BNC2: variants seen among roughly 807,000 people sequenced by gnomAD.
BNC2 encodes zinc finger protein basonuclin-2.
BNC2 carries 20 observed loss-of-function variants against 76.3 expected under a neutral mutation model. The ratio of observed to expected loss-of-function variants is 0.26; its 90% CI spans 0.18 to 0.38. BNC2 has a LOEUF of 0.38. Ranked by LOEUF, BNC2 falls within the 10% of genes least tolerant of loss-of-function variation. The probability of loss-of-function intolerance (pLI) is 1.00; values close to 1 mark genes in which losing one functional copy is unlikely to be tolerated. For synonymous variants in BNC2, 582 were observed against 514.8 expected (o/e 1.13, Z -1.77); for missense variants, 1,382 against 1,399.8 (o/e 0.99, Z 0.20).
chr9:16,827,736 G>C (rs1389428150), intron 1 of BNC2, among the ~76,000 whole-genome samples: 1 of 152,110 alleles, frequency 6.6e-6, no homozygotes, highest in African/African-American at 2.4e-5. Context: ...TGGTACATAT[G>C]GGAAGAAGTG....
intron 1 of BNC2, among the ~76,000 whole-genome samples, chr9:16,804,118 T>C (rs1056648478): frequency 3.3e-5 from 5 of 152,216 alleles, no homozygotes; most frequent in Non-Finnish European, 2.9e-5. Context: ...CAAAATGAAA[T>C]GTCACAGTAG....
chr9:16,731,182 A>C (rs1824494054), intron 2 of BNC2, among the ~76,000 whole-genome samples: 2 of 152,228 alleles, frequency 1.3e-5, no homozygotes, highest in Admixed American at 6.5e-5. Flanking sequence ...TAGTCTGACA[A>C]TTATGGAATA....
chr9:16,683,837 C>A (rs1456936662), intron 3 of BNC2, among the ~76,000 whole-genome samples: 1 of 152,184 alleles, frequency 6.6e-6, no homozygotes, highest in African/African-American at 2.4e-5. Context: ...TTGACTAACT[C>A]TCCATAGCTG....
At chr9:16,475,400 A>G (rs1235747636) in intron 5 of BNC2, among the ~76,000 whole-genome samples, 1 of 152,210 alleles carries the variant, frequency 6.6e-6, no homozygotes, top group East Asian at 1.9e-4. Context: ...AGAAAAAGCT[A>G]ATGGGCTCTC....
At chr9:16,561,172 G>C (rs545114732) in intron 4 of BNC2, among the ~76,000 whole-genome samples, 2 of 152,080 alleles carry the variant, frequency 1.3e-5, no homozygotes, top group East Asian at 3.9e-4. Flanking sequence ...CCGGGAGGCA[G>C]AGGTGGCAGT....
chr9:16,660,070 G>C (rs1822064131), intron 3 of BNC2, among the ~76,000 whole-genome samples: 2 of 152,142 alleles, frequency 1.3e-5, no homozygotes, highest in South Asian at 2.1e-4. Context: ...ACTCACACTA[G>C]GGACCCCATA....
chr9:16,623,812 A>G (rs542821642), intron 3 of BNC2, among the ~76,000 whole-genome samples: 1 of 152,288 alleles, frequency 6.6e-6, no homozygotes, highest in South Asian at 2.1e-4. Flanking sequence ...CAGTAGCAGG[A>G]AAGGTAAAAA....
intron 3 of BNC2, among the ~76,000 whole-genome samples, chr9:16,634,161 T>C (rs1206458742): frequency 6.6e-6 from 1 of 152,176 alleles, no homozygotes; most frequent in South Asian, 2.1e-4. Flanking sequence ...CAATTGCAAT[T>C]TGTCCACTGT....
At chr9:16,832,060 T>C (rs564522948) in intron 1 of BNC2, among the ~76,000 whole-genome samples, 4 of 152,080 alleles carry the variant, frequency 2.6e-5, no homozygotes, top group Non-Finnish European at 5.9e-5. Flanking sequence ...CAAAAACTAA[T>C]AGGACAATCA....
chr9:16,631,923 G>C (rs564654640), intron 3 of BNC2, among the ~76,000 whole-genome samples: 9 of 152,302 alleles, frequency 5.9e-5, no homozygotes, highest in Non-Finnish European at 1.3e-4. Context: ...AGAACAACAT[G>C]GGAGAATGTT....
intron 1 of BNC2, among the ~76,000 whole-genome samples, chr9:16,757,123 T>C (rs962587346): frequency 6.6e-6 from 1 of 152,226 alleles, no homozygotes; most frequent in East Asian, 1.9e-4. Context: ...GCAGGGCTCT[T>C]TGAACCTATA....
At chr9:16,432,314 C>T (rs1726795598) in intron 6 of BNC2, among the ~76,000 whole-genome samples, 1 of 152,182 alleles carries the variant, frequency 6.6e-6, no homozygotes, top group African/African-American at 2.4e-5. Context: ...AGCATTCTTG[C>T]TTTTGAAAAA....
At chr9:16,651,998 A>C (rs1416249726) in intron 3 of BNC2, among the ~76,000 whole-genome samples, 2 of 152,188 alleles carry the variant, frequency 1.3e-5, no homozygotes, top group African/African-American at 4.8e-5. Flanking sequence ...GGTATTTCTT[A>C]CACAGCATAT....
chr9:16,766,075 C>T (rs948859294), intron 1 of BNC2, among the ~76,000 whole-genome samples: 1 of 152,322 alleles, frequency 6.6e-6, no homozygotes, highest in African/African-American at 2.4e-5. Flanking sequence ...GCGTGAGCCA[C>T]CGCGCCCGGC....
At chr9:16,597,612 G>C (rs936555117) in intron 3 of BNC2, among the ~76,000 whole-genome samples, 1 of 152,014 alleles carries the variant, frequency 6.6e-6, no homozygotes, top group African/African-American at 2.4e-5. Flanking sequence ...AATTCTAAAG[G>C]AATGTGTTAT....
chr9:16,672,199 T>A (rs1822496958), intron 3 of BNC2, among the ~76,000 whole-genome samples: 1 of 152,106 alleles, frequency 6.6e-6, no homozygotes, highest in Admixed American at 6.5e-5. Context: ...CATGTCAAAT[T>A]GAAAATGTTT....
intron 3 of BNC2, among the ~76,000 whole-genome samples, chr9:16,660,758 T>A (rs1822088645): frequency 6.6e-6 from 1 of 151,788 alleles, no homozygotes; most frequent in Admixed American, 6.6e-5. Flanking sequence ...GAAAAAAAAA[T>A]AACAACACAA....
chr9:16,623,633 GT>G (rs1820920526), intron 3 of BNC2, among the ~76,000 whole-genome samples: 1 of 152,154 alleles, frequency 6.6e-6, no homozygotes. Context: ...AAAAACATTA[GT>G]TTAAATTATT....
Position 16,492,188 on chromosome 9 carries a change from G to C in BNC2, c.670-54664C>G, listed in dbSNP as rs568551994. On this transcript the variant is annotated intron_variant, in intron 5 of 6. Transcript: ENST00000380672. The stretch of plus-strand genomic sequence containing the variant: ...ACAAAAACAATCCTGCTTTCACATG[G>C]TGTGGGCAAGACAAATGCAAAATAT... 2.6e-5 allele frequency among the ~76,000 whole-genome samples: 4 copies of C among 151,718 alleles called. No homozygotes were observed. In the South Asian group the frequency reaches 6.2e-4, roughly 24 times the overall value.
Sources: gnomAD v4.1 joint callset for allele counts (sites outside exome capture counted in the v4.1 genomes callset) on GRCh38, gnomAD v4.1.1 for gene constraint, MANE v1.5 for transcripts, NCBI Gene and HGNC (gene_info 2026-07-23, HGNC 2026-07-21) for gene names.